Variants in CYP27A1 observed in about 807,000 individuals in gnomAD.
CYP27A1 encodes cytochrome P450 family 27 subfamily A member 1, also known as sterol 26-hydroxylase, mitochondrial.
Under a neutral mutation model 58.2 loss-of-function variants are expected in CYP27A1, and 46 were observed. The observed-to-expected ratio is 0.79, with a 90% CI of 0.62 to 1.01. The LOEUF is 1.01. Ranked by LOEUF, CYP27A1 falls within the 50% of genes least tolerant of loss-of-function variation. The pLI is 0.00. For synonymous variants in CYP27A1, 274 were observed against 285.1 expected, an observed-to-expected ratio of 0.96 and a Z score of 0.39; for missense variants, 704 against 687.0, an observed-to-expected ratio of 1.02 and a Z score of -0.28.
intron 1 of CYP27A1, among the ~76,000 whole-genome samples, chr2:218,802,636 C>T (rs1943610502): frequency 6.6e-6 from 1 of 152,218 alleles, no homozygotes; most frequent in East Asian, 1.9e-4. Context: ...GAGAGACAGC[C>T]GATGTTTTCT....
At chr2:218,792,346 G>T (rs961161514) in intron 1 of CYP27A1, among the ~76,000 whole-genome samples, 2 of 152,094 alleles carry the variant, frequency 1.3e-5, no homozygotes, top group Non-Finnish European at 2.9e-5. Context: ...AACAATTTCA[G>T]TACTGGATGA....
chr2:218,813,885 C>T, intron 5 of CYP27A1, 136 bp from the exon 6 acceptor site: 3 of 927,892 alleles, frequency 3.2e-6, no homozygotes, highest in Non-Finnish European at 5.1e-6. Context: ...CTGCCATGAA[C>T]CTGCATGTTT....
At chr2:218,791,426 A>G (rs1343214895) in intron 1 of CYP27A1, among the ~76,000 whole-genome samples, 3 of 152,192 alleles carry the variant, frequency 2.0e-5, no homozygotes, top group Non-Finnish European at 4.4e-5. Flanking sequence ...AGTACACCCC[A>G]TGAGTGCACA....
intron 1 of CYP27A1, among the ~76,000 whole-genome samples, chr2:218,809,027 A>AGCG: frequency 6.6e-6 from 1 of 152,284 alleles, no homozygotes; most frequent in Non-Finnish European, 1.5e-5. Context: ...TAAATATCAT[A>AGCG]CCGCATGGCT....
At chr2:218,793,212 A>C (rs1444016157) in intron 1 of CYP27A1, among the ~76,000 whole-genome samples, 1 of 152,078 alleles carries the variant, frequency 6.6e-6, no homozygotes, top group Non-Finnish European at 1.5e-5. Context: ...AGTAGCTGGG[A>C]CTACAGGCAT....
chr2:218,788,297 T>C (rs892786373), intron 1 of CYP27A1, among the ~76,000 whole-genome samples: 1 of 152,254 alleles, frequency 6.6e-6, no homozygotes, highest in African/African-American at 2.4e-5. Context: ...CTTAGAACAC[T>C]TGGACTTCTT....
Position 218,812,376 on chromosome 2 carries a change from C to A in CYP27A1, c.601C>A (p.Gln201Lys). The change falls in exon 3 of 9, where the codon CAG becomes AAG. Residue 201 changes from glutamine (Q) to lysine (K), a missense_variant. Gln to Lys is a moderately conservative substitution (Grantham distance 53). Transcript: ENST00000258415. The part of the protein sequence containing the change: ...QLRAESASGN[Q>K]VSDMAQLFYY... ...GCGGGCAGAGAGTGCTTCGGGGAAC[C>A]AGGTGTCGGACATGGCTCAACTCTT... The A allele has an allele frequency of 6.2e-7, 1 of 1,614,164 alleles. No homozygotes were observed. Among genetic ancestry groups the A allele is most frequent in the Non-Finnish European group, 8.5e-7 (1 of 1,180,024 alleles).
chr2:218,815,018 G>A lies in CYP27A1; in HGVS notation c.1584G>A (p.Gln528=). ...PNKKVGLQFL[Q]RQC ...AGAAAGTGGGCCTGCAGTTCCTGCA[G>A]AGACAGTGCTGAGCTGAGTCTCCGC... The change falls in exon 9 of 9, where the codon CAG becomes CAA. Residue 528 remains glutamine (Q), a synonymous_variant. Coordinates refer to ENST00000258415, the MANE Select transcript of CYP27A1 (RefSeq NM_000784.4). 1 of 1,614,242 alleles carries A rather than the reference G, an allele frequency of 6.2e-7. No homozygotes were observed. The highest frequency in any genetic ancestry group is 8.5e-7 in the Non-Finnish European group (1 of 1,180,046).
At position 218,814,099 on chromosome 2, in the gene CYP27A1, G is replaced by T. The variant is rs1943755377; in HGVS notation, c.1096G>T (p.Val366Leu). The T allele has an allele frequency of 3.7e-6, 6 of 1,614,254 alleles. No homozygotes were observed. In the East Asian group the frequency reaches 1.3e-4, roughly 36 times the overall value. The change falls in exon 6 of 9, where the codon GTG (valine) becomes TTG (leucine). Residue 366 changes from valine (V) to leucine (L), a missense_variant. Coordinates refer to ENST00000258415, the MANE Select transcript of CYP27A1 (RefSeq NM_000784.4). ...EIQEALHEEV[V>L]GVVPAGQVPQ... ...CCAGGAGGCCTTGCACGAGGAAGTG[G>T]TGGGTGTGGTGCCAGCCGGGCAAGT...
At chr2:218,814,822 G>A (rs757719396) in intron 8 of CYP27A1, 65 bp downstream of exon 8, 28 of 1,613,568 alleles carry the variant, frequency 1.7e-5, no homozygotes, top group Non-Finnish European at 2.4e-5. Flanking sequence ...GGGAGGAGAG[G>A]AAGGGAGGCA....
intron 1 of CYP27A1, among the ~76,000 whole-genome samples, chr2:218,804,144 C>T (rs1304595014): frequency 1.3e-5 from 2 of 152,086 alleles, no homozygotes; most frequent in South Asian, 2.1e-4. Context: ...GAAGACTTAC[C>T]CTTATATTTT....
chr2:218,814,472 G>C lies in CYP27A1; in HGVS notation c.1263+14G>C, dbSNP rs950806112. The C allele has an allele frequency of 8.1e-6, 13 of 1,613,942 alleles. No homozygotes were observed. The highest frequency in any genetic ancestry group is 1.1e-5 in the Non-Finnish European group (13 of 1,179,756). On this transcript the variant is annotated intron_variant, in intron 7 of 8. Transcript: ENST00000258415. ...TTCCCCAAGAACGTGAGTGGGGCTA[G>C]AGAGCCCGATTGCCCAGGAGTGCCC... is the stretch of plus-strand genomic sequence containing the variant.
rs535237358 is a variant in CYP27A1 at position 218,782,822 on chromosome 2, C to A, written c.255+385C>A. ...TTGGCTACCACAGACTTCTTCCAAACGAAATAACTTCAGGAGGATTATAGA... is the reference window on the plus strand; with the variant it reads ...TTGGCTACCACAGACTTCTTCCAAAAGAAATAACTTCAGGAGGATTATAGA... On this transcript the variant is annotated intron_variant, in intron 1 of 8. Transcript: ENST00000258415. This position sits in a 1 kb window ranked among gnomAD's most constrained non-coding sequence, Gnocchi z 4.1. 6.6e-6 allele frequency among the ~76,000 whole-genome samples: 1 copy of A among 152,178 alleles called. No individual in the cohort carries two copies. Among genetic ancestry groups the A allele is most frequent in the African/African-American group, 2.4e-5 (1 of 41,504 alleles).
chr2:218,812,266 G>A lies in CYP27A1; in HGVS notation c.491G>A (p.Arg164Gln), dbSNP rs148417330. 4.0e-4 allele frequency: 640 copies of A among 1,614,078 alleles called. No individual in the cohort carries two copies. The highest frequency in any genetic ancestry group is 5.0e-4 in the Non-Finnish European group (587 of 1,180,026). ...WYQLRQALNQ[R>Q]LLKPAEAALY... ...CAGCTGCGCCAGGCTCTGAACCAGC[G>A]GTTGCTGAAGCCAGCGGAAGCAGCG... The change falls in exon 3 of 9, where the codon CGG becomes CAG. Residue 164 changes from arginine to glutamine, a missense_variant. By Grantham distance (43) the Arg-to-Gln change is conservative (BLOSUM62 1). Coordinates refer to ENST00000258415, the MANE Select transcript of CYP27A1 (RefSeq NM_000784.4).
rs1444634924 is a variant in CYP27A1 at position 218,782,251 on chromosome 2, C to T, written c.69C>T (p.His23=). The part of the protein sequence containing the change: ...LRGAGRGLCP[H]GARAKAAIPA... ...GGGCCGGCCGTGGCCTCTGCCCCCA[C>T]GGGGCCAGAGCCAAGGCCGCGATCC... is the stretch of plus-strand genomic sequence containing the variant. Residue 23 remains histidine (H), a synonymous_variant, in exon 1 of 9, where the codon CAC becomes CAT. Coordinates refer to ENST00000258415, the MANE Select transcript of CYP27A1 (RefSeq NM_000784.4). The surrounding 1 kb of genome is among the most constrained non-coding windows in gnomAD (Gnocchi z 4.1). 2 of 1,554,016 alleles carry T rather than the reference C, an allele frequency of 1.3e-6. No homozygotes were observed. Among genetic ancestry groups the T allele is most frequent in the East Asian group, 2.4e-5 (1 of 41,314 alleles).
intron 1 of CYP27A1, among the ~76,000 whole-genome samples, chr2:218,802,755 G>C (rs1943611716): frequency 6.6e-6 from 1 of 151,968 alleles, no homozygotes; most frequent in African/African-American, 2.4e-5. Flanking sequence ...CATTCTAGTG[G>C]TTAACAGTGG....
intron 1 of CYP27A1, among the ~76,000 whole-genome samples, chr2:218,788,783 A>G (rs1943464511): frequency 1.3e-5 from 2 of 152,186 alleles, no homozygotes; most frequent in Non-Finnish European, 2.9e-5. Flanking sequence ...CACCACTCCC[A>G]TTCTGTTAAC....
intron 1 of CYP27A1, among the ~76,000 whole-genome samples, chr2:218,803,882 G>A (rs530286354): frequency 2.0e-5 from 3 of 151,558 alleles, no homozygotes; most frequent in South Asian, 4.2e-4. Context: ...ACAAGCATGC[G>A]CCACCACACC....
chr2:218,811,139 A>G (rs977488062), intron 2 of CYP27A1, among the ~76,000 whole-genome samples: 3 of 152,242 alleles, frequency 2.0e-5, no homozygotes, highest in Non-Finnish European at 2.9e-5. Flanking sequence ...AAACAAAACA[A>G]AACAAAACAA....
Sources: gnomAD v4.1 joint callset for allele counts (sites outside exome capture counted in the v4.1 genomes callset) on GRCh38, gnomAD v4.1.1 for gene constraint, Gnocchi (gnomAD v3.1) non-coding constraint, MANE v1.5 for transcripts, NCBI Gene and HGNC (gene_info 2026-07-23, HGNC 2026-07-21) for gene names.